The following CAPN14 variants were observed in gnomAD, a reference collection of about 807,000 sequenced individuals.
The protein encoded by CAPN14 is calpain 14.
In CAPN14, 94 loss-of-function variants were observed where a neutral mutation model predicts 101.3. The observed-to-expected ratio is 0.93, with a 90% CI of 0.79 to 1.10. CAPN14 has a LOEUF of 1.10. Among genes scored for constraint, CAPN14 ranks in the 50% least tolerant of loss-of-function variants. The probability of loss-of-function intolerance (pLI) is 0.00; values close to 1 mark genes in which losing one functional copy is unlikely to be tolerated. For missense variants in CAPN14, 837 were observed against 828.4 expected (o/e 1.01, Z -0.13); for synonymous variants, 338 against 317.9 (o/e 1.06, Z -0.67).
intron 1 of CAPN14, among the ~76,000 whole-genome samples, chr2:31,213,025 G>C (rs78436098): frequency 4.6e-5 from 7 of 152,196 alleles, no homozygotes; most frequent in Non-Finnish European, 1.0e-4. Context: ...CCCTGCTCTC[G>C]ACAGTCGGAA....
At chr2:31,213,823 G>A (rs909286643) in intron 1 of CAPN14, among the ~76,000 whole-genome samples, 1 of 152,186 alleles carries the variant, frequency 6.6e-6, no homozygotes, top group Admixed American at 6.5e-5. Context: ...AGGTGGTTCT[G>A]TGGTTACTGA....
At chr2:31,211,342 A>C (rs964331101) in intron 1 of CAPN14, among the ~76,000 whole-genome samples, 1 of 152,176 alleles carries the variant, frequency 6.6e-6, no homozygotes, top group East Asian at 1.9e-4. Flanking sequence ...AGAATATCTA[A>C]GAAAATATTT....
Position 31,197,278 on chromosome 2 carries a change from C to T in CAPN14, c.846G>A (p.Lys282=), listed in dbSNP as rs1488125914. Residue 282 remains lysine, a synonymous_variant, in exon 8 of 22, where the codon AAG becomes AAA. Transcript: ENST00000403897. Reference sequence around the variant, plus strand: ...CACTCCAGTCTCCTTTCCATTCCACCTTTCCCCAGGGGTTCCGTAGCTTGA... The same window carrying T: ...CACTCCAGTCTCCTTTCCATTCCACTTTTCCCCAGGGGTTCCGTAGCTTGA... ...YLVKLRNPWG[K]VEWKGDWSDS... 2 of 1,551,204 alleles carry T rather than the reference C, an allele frequency of 1.3e-6. No homozygotes were observed. Among genetic ancestry groups the T allele is most frequent in the African/African-American group, 2.7e-5 (2 of 73,006 alleles).
rs1334514733 is a variant in CAPN14 at position 31,202,200 on chromosome 2, G to C, written c.348C>G (p.Ile116Met). ...GATTCAGGGGAACAACCCGGCTCAG[G>C]ATGTCCTGGTGCAAGGCCAGAGCTT... ...ALQALALHQD[I>M]LSRVVPLNQS... Residue 116 changes from isoleucine (I) to methionine (M), a missense_variant, in exon 4 of 22, where the codon ATC (isoleucine) becomes ATG (methionine). Coordinates refer to ENST00000403897, the MANE Select transcript of CAPN14 (RefSeq NM_001145122.2). The C allele has an allele frequency of 2.7e-5, 42 of 1,551,788 alleles. No homozygotes were observed. The highest frequency in any genetic ancestry group is 3.6e-5 in the Non-Finnish European group (41 of 1,147,010).
chr2:31,218,115 C>T (rs1271414716), upstream of CAPN14, among the ~76,000 whole-genome samples: 3 of 152,116 alleles, frequency 2.0e-5, no homozygotes, highest in African/African-American at 4.8e-5. Context: ...CATTGACCTC[C>T]CACTGGTTGT....
At position 31,177,091 on chromosome 2, in the gene CAPN14, C is replaced by G. The variant is rs1572384449; in HGVS notation, c.1907G>C (p.Gly636Ala). The G allele has an allele frequency of 6.4e-7, 1 of 1,551,218 alleles. No individual in the cohort carries two copies. The highest frequency in any genetic ancestry group is 2.0e-5 in the Admixed American group (1 of 50,972). Residue 636 changes from glycine (G) to alanine (A), a missense_variant, in exon 20 of 22, where the codon GGC (glycine) becomes GCC (alanine). Transcript: ENST00000403897. ...GACAAAGTCCATCTGGAGGCGGGGGCCGCCGTAGCGGATGAGCATCAGCTG... is the reference window on the plus strand; with the variant it reads ...GACAAAGTCCATCTGGAGGCGGGGGGCGCCGTAGCGGATGAGCATCAGCTG... ...VCQLMLIRYG[G>A]PRLQMDFVSF...
At chr2:31,233,160 G>A (rs1683245045) in intron 1 of CAPN14, among the ~76,000 whole-genome samples, 1 of 152,178 alleles carries the variant, frequency 6.6e-6, no homozygotes, top group African/African-American at 2.4e-5. Context: ...CCCTGCACAT[G>A]CTGAGCATTT....
intron 21 of CAPN14, 40 bp from the exon 22 acceptor site, chr2:31,174,747 C>A: frequency 6.5e-7 from 1 of 1,550,074 alleles, no homozygotes; most frequent in African/African-American, 1.4e-5. Context: ...CAGTTCAGAC[C>A]CACGTCTCAT....
chr2:31,189,125 T>C (rs1681051441), intron 13 of CAPN14, 148 bp downstream of exon 13: 1 of 687,248 alleles, frequency 1.5e-6, no homozygotes, highest in African/African-American at 1.8e-5. Flanking sequence ...ATGTTCTCCA[T>C]GCAGAAAGTC....
At chr2:31,189,247 C>G in intron 13 of CAPN14, 26 bp downstream of exon 13, 1 of 1,546,728 alleles carries the variant, frequency 6.5e-7, no homozygotes. Flanking sequence ...GGTCCCCACC[C>G]TCTAGGAGAG....
chr2:31,220,966 T>C (rs1032284577), upstream of CAPN14, among the ~76,000 whole-genome samples: 7 of 152,204 alleles, frequency 4.6e-5, no homozygotes, highest in African/African-American at 1.7e-4. Flanking sequence ...TGATTCCATA[T>C]ATAACTTTCA....
At chr2:31,180,854 G>A (rs772019423) in intron 17 of CAPN14, 82 bp downstream of exon 17, 3 of 1,191,174 alleles carry the variant, frequency 2.5e-6, no homozygotes, top group Non-Finnish European at 2.4e-6. Context: ...GATTGGGGTT[G>A]GGATTCAAAT....
At chr2:31,181,759 G>C (rs1403574423) in intron 16 of CAPN14, among the ~76,000 whole-genome samples, 1 of 138,868 alleles carries the variant, frequency 7.2e-6, no homozygotes, top group Non-Finnish European at 1.5e-5. Flanking sequence ...ACCTATGAGT[G>C]AGAACATGTG....
chr2:31,214,660 C>A (rs1334944107), intron 1 of CAPN14, among the ~76,000 whole-genome samples: 1 of 152,140 alleles, frequency 6.6e-6, no homozygotes, highest in Non-Finnish European at 1.5e-5. Flanking sequence ...CCCTACTCAC[C>A]CCCAGCTGCC....
At chr2:31,185,647 T>A (rs1680867419) in intron 16 of CAPN14, among the ~76,000 whole-genome samples, 1 of 152,194 alleles carries the variant, frequency 6.6e-6, no homozygotes, top group Admixed American at 6.5e-5. Context: ...TTCTGGCTGT[T>A]TTACTGATAA....
At chr2:31,210,625 C>T (rs1175456024) in intron 1 of CAPN14, among the ~76,000 whole-genome samples, 1 of 152,024 alleles carries the variant, frequency 6.6e-6, no homozygotes, top group East Asian at 1.9e-4. Context: ...GCAGAAAAAT[C>T]AAGGGAAAGA....
intron 5 of CAPN14, 123 bp from the exon 6 acceptor site, chr2:31,200,748 G>A (rs1681717234): frequency 1.1e-6 from 1 of 925,578 alleles, no homozygotes; most frequent in Admixed American, 2.9e-5. Context: ...CAGAGCTCAG[G>A]CAACCCTGAC....
Position 31,189,434 on chromosome 2 carries a change from T to C in CAPN14, c.1332A>G (p.Arg444=). The C allele has an allele frequency of 6.4e-7, 1 of 1,551,678 alleles. No individual in the cohort carries two copies. Among genetic ancestry groups the C allele is most frequent in the Non-Finnish European group, 8.7e-7 (1 of 1,146,976 alleles). The change falls in exon 13 of 22, where the codon AGA becomes AGG. Residue 444 remains arginine (R), a synonymous_variant. Transcript: ENST00000403897. ...QRRLPPEFFQ[R]NTPLSQPDRF... ...TATCAGGCTGGCTCAGAGGAGTGTT[T>C]CTCTGGAAGAACTCAGGGGGCAGTC... is the stretch of plus-strand genomic sequence containing the variant.
Position 31,205,444 on chromosome 2 carries a change from A to G in CAPN14, c.4T>C (p.Ser2Pro). The change falls in exon 2 of 22, where the codon TCT becomes CCT. Residue 2 changes from serine (S) to proline (P), a missense_variant. Transcript: ENST00000403897. ...CTGCATCGGAAAGGTGGCCACAGAG[A>G]CATGGCAGGTGGTGGGTACAGTCCA... M[S>P]LWPPFRCRWK... 6.4e-7 allele frequency: 1 copy of G among 1,551,444 alleles called. No homozygotes were observed. Among genetic ancestry groups the G allele is most frequent in the Non-Finnish European group, 8.7e-7 (1 of 1,146,836 alleles).
Sources: gnomAD v4.1 joint callset for allele counts (sites outside exome capture counted in the v4.1 genomes callset) on GRCh38, gnomAD v4.1.1 for gene constraint, MANE v1.5 for transcripts, NCBI Gene and HGNC (gene_info 2026-07-23, HGNC 2026-07-21) for gene names.